SPAG16: variants seen among roughly 807,000 people sequenced by gnomAD.
SPAG16 encodes the protein sperm associated antigen 16, also known as sperm-associated antigen 16 protein.
SPAG16 carries 86 observed loss-of-function variants against 80.4 expected under a neutral mutation model. The observed-to-expected ratio is 1.07, with a 90% confidence interval of 0.90 to 1.28. SPAG16 has a LOEUF of 1.28. Among genes scored for constraint, SPAG16 ranks in the 50% most tolerant of loss-of-function variants. The pLI, the probability that SPAG16 is intolerant of heterozygous loss-of-function variation, is 0.00. For synonymous variants in SPAG16, 294 were observed against 265.9 expected (o/e 1.11, Z -1.03); for missense variants, 870 against 765.3 (o/e 1.14, Z -1.61).
At chr2:213,955,307 T>C (rs2044064578) in intron 12 of SPAG16, among the ~76,000 whole-genome samples, 1 of 152,196 alleles carries the variant, frequency 6.6e-6, no homozygotes, top group Admixed American at 6.5e-5. Context: ...TTTATGATTT[T>C]GACCTTTAAA....
At chr2:213,833,096 A>C (rs2073768229) in intron 10 of SPAG16, among the ~76,000 whole-genome samples, 1 of 151,652 alleles carries the variant, frequency 6.6e-6, no homozygotes, top group African/African-American at 2.4e-5. Flanking sequence ...CATTTTAATT[A>C]TTCTTTCTGG....
intron 1 of SPAG16, among the ~76,000 whole-genome samples, chr2:213,290,407 C>G (rs1375944560): frequency 3.3e-5 from 5 of 152,096 alleles, no homozygotes; most frequent in Non-Finnish European, 7.3e-5. Flanking sequence ...ATGGACACTA[C>G]CCCAGGCAAG....
At chr2:213,694,819 C>A (rs941045440) in intron 10 of SPAG16, among the ~76,000 whole-genome samples, 5 of 151,138 alleles carry the variant, frequency 3.3e-5, no homozygotes, top group African/African-American at 1.2e-4. Flanking sequence ...CTCTCCTGTT[C>A]TGAATTCTGT....
At chr2:213,850,054 A>G (rs1460575351) in intron 10 of SPAG16, among the ~76,000 whole-genome samples, 2 of 152,202 alleles carry the variant, frequency 1.3e-5, no homozygotes, top group Non-Finnish European at 2.9e-5. Context: ...AGATATTTTC[A>G]TAAATCTGGA....
At chr2:213,760,541 C>T (rs553465822) in intron 10 of SPAG16, among the ~76,000 whole-genome samples, 1 of 150,672 alleles carries the variant, frequency 6.6e-6, no homozygotes, top group East Asian at 2.0e-4. Flanking sequence ...TAAGAAAATG[C>T]AATACATTAA....
At chr2:213,286,068 A>G (rs1250873098) in intron 1 of SPAG16, 3 of 486,764 alleles carry the variant, frequency 6.2e-6, no homozygotes, top group Non-Finnish European at 1.1e-5. Context: ...CACAACTTTC[A>G]GCAATGAAAA....
chr2:214,038,618 T>C (rs901687257), intron 13 of SPAG16, among the ~76,000 whole-genome samples: 1 of 152,144 alleles, frequency 6.6e-6, no homozygotes, highest in African/African-American at 2.4e-5. Flanking sequence ...TATATACATG[T>C]GCCATGTTGG....
chr2:213,462,132 A>G (rs1440647732), intron 9 of SPAG16, among the ~76,000 whole-genome samples: 2 of 152,218 alleles, frequency 1.3e-5, no homozygotes, highest in East Asian at 3.9e-4. Context: ...GTGTAGTACA[A>G]TTTTTAAGAG....
At chr2:214,400,170 TCCACACAGG>T (rs1421659770) in intron 15 of SPAG16, among the ~76,000 whole-genome samples, 2 of 152,022 alleles carry the variant, frequency 1.3e-5, no homozygotes, top group Non-Finnish European at 2.9e-5. Flanking sequence ...TTTTTAAAAC[TCCACACAGG>T]CCAAAAGTTC....
At chr2:214,191,128 T>A (rs1228352868) in intron 15 of SPAG16, among the ~76,000 whole-genome samples, 1 of 152,066 alleles carries the variant, frequency 6.6e-6, no homozygotes, top group Non-Finnish European at 1.5e-5. Context: ...GACAGAATTG[T>A]AGAAGAGGAG....
chr2:214,173,863 A>G (rs1279238283), intron 15 of SPAG16, among the ~76,000 whole-genome samples: 1 of 152,042 alleles, frequency 6.6e-6, no homozygotes, highest in Admixed American at 6.6e-5. Context: ...AGCACATCAA[A>G]AAGCTTATCC....
At chr2:214,384,810 G>A (rs2126115027) in intron 15 of SPAG16, among the ~76,000 whole-genome samples, 1 of 152,304 alleles carries the variant, frequency 6.6e-6, no homozygotes, top group South Asian at 2.1e-4. Flanking sequence ...ACTAAAAGAA[G>A]TCATATGTAG....
At chr2:214,132,899 C>A (rs1023428077) in intron 14 of SPAG16, among the ~76,000 whole-genome samples, 7 of 152,108 alleles carry the variant, frequency 4.6e-5, no homozygotes, top group African/African-American at 1.7e-4. Context: ...TCGAGACCAG[C>A]CTGACCAACA....
intron 13 of SPAG16, among the ~76,000 whole-genome samples, chr2:214,099,316 G>C (rs554920544): frequency 6.6e-6 from 1 of 152,052 alleles, no homozygotes; most frequent in Non-Finnish European, 1.5e-5. Flanking sequence ...TCCCTTACTT[G>C]TGTAGGCATT....
intron 15 of SPAG16, among the ~76,000 whole-genome samples, chr2:214,150,215 G>A (rs999212000): frequency 3.9e-5 from 6 of 151,998 alleles, no homozygotes; most frequent in African/African-American, 7.2e-5. Flanking sequence ...TAATTCTAGA[G>A]CCAGAAGATA....
chr2:213,286,071 A>G (rs1444112222), intron 1 of SPAG16, among the ~76,000 whole-genome samples: 1 of 152,238 alleles, frequency 6.6e-6, no homozygotes, highest in Non-Finnish European at 1.5e-5. Flanking sequence ...AACTTTCAGC[A>G]ATGAAAATCA....
At chr2:213,919,617 G>T (rs2078118629) in intron 11 of SPAG16, among the ~76,000 whole-genome samples, 1 of 152,100 alleles carries the variant, frequency 6.6e-6, no homozygotes, top group Non-Finnish European at 1.5e-5. Context: ...GATTATTTCA[G>T]TCTTGATATG....
At chr2:213,668,272 A>T (rs2063685193) in intron 10 of SPAG16, among the ~76,000 whole-genome samples, 1 of 150,136 alleles carries the variant, frequency 6.7e-6, no homozygotes, top group Admixed American at 6.6e-5. Context: ...TATCTTACCT[A>T]TGTTTAGATA....
Position 214,402,181 on chromosome 2 carries a change from A to G in SPAG16, c.1721-7959A>G, listed in dbSNP as rs548827855. ...TATTTCTGTCAACATTATTTAATAA[A>G]TTTCATAACTAACATAGGGTGCTCC... On this transcript the variant is annotated intron_variant, in intron 15 of 15. Transcript: ENST00000331683. Among the ~76,000 whole-genome samples, 4 of 152,148 alleles carry G rather than the reference A, an allele frequency of 2.6e-5. No homozygotes were observed. The South Asian group carries it at 8.3e-4, about 32-fold the overall frequency.
Sources: gnomAD v4.1 joint callset for allele counts (sites outside exome capture counted in the v4.1 genomes callset) on GRCh38, gnomAD v4.1.1 for gene constraint, MANE v1.5 for transcripts, NCBI Gene and HGNC (gene_info 2026-07-23, HGNC 2026-07-21) for gene names.